Variants in CADPS observed in about 807,000 individuals in gnomAD.
CADPS encodes the protein calcium-dependent secretion activator 1.
In CADPS, 57 loss-of-function variants were observed where a neutral mutation model predicts 167.3. That is an observed-to-expected ratio of 0.34 (90% CI 0.28 to 0.42). The LOEUF (loss-of-function observed/expected upper bound fraction) is 0.42, where lower values mean the gene tolerates loss of function less well. CADPS is among the 20% of genes least tolerant of loss of function. The pLI, the probability that CADPS is intolerant of heterozygous loss-of-function variation, is 1.00. For missense variants in CADPS, 1,414 were observed against 1,738.1 expected (o/e 0.81, Z 3.32); for synonymous variants, 676 against 635.3 (o/e 1.06, Z -0.96).
intron 3 of CADPS, among the ~76,000 whole-genome samples, chr3:62,719,123 G>A (rs558039053): frequency 1.3e-5 from 2 of 152,308 alleles, no homozygotes; most frequent in East Asian, 3.9e-4. Context: ...GATCAGTAGA[G>A]ATAATGACTC....
In CADPS at chr3:62,753,376, C is replaced by G; in HGVS notation, c.888+65G>C. ...TTTTTTTAAAAAAATCAAGAAGTAT[C>G]TCATAGAAGTTGGAATGCAGCTCTG... On this transcript the variant is annotated intron_variant, in intron 3 of 29. Transcript: ENST00000383710. This position sits in a 1 kb window ranked among gnomAD's most constrained non-coding sequence, Gnocchi z 4.6. 1 of 1,175,944 alleles carries G rather than the reference C, an allele frequency of 8.5e-7. No homozygotes were observed. Among genetic ancestry groups the G allele is most frequent in the Non-Finnish European group, 1.2e-6 (1 of 820,954 alleles). 72.8% of individuals were successfully genotyped at this position (1,175,944 alleles called of 1,614,324 possible). A position where few individuals can be genotyped will look rare whatever the true frequency, so the allele number is the denominator to read the frequency against.
chr3:62,556,265 T>C (rs1334623353), intron 10 of CADPS, among the ~76,000 whole-genome samples: 2 of 152,206 alleles, frequency 1.3e-5, no homozygotes, highest in African/African-American at 4.8e-5. Flanking sequence ...TCATGCCTTA[T>C]GTGGTCAGCT....
At chr3:62,522,987 C>T (rs1330872676) in intron 13 of CADPS, among the ~76,000 whole-genome samples, 1 of 152,144 alleles carries the variant, frequency 6.6e-6, no homozygotes, top group Admixed American at 6.5e-5. Flanking sequence ...CCGGAATCCA[C>T]CTTTCAAGTT....
chr3:62,755,193 C>T (rs1318007273), intron 2 of CADPS, among the ~76,000 whole-genome samples: 2 of 152,158 alleles, frequency 1.3e-5, no homozygotes, highest in Non-Finnish European at 2.9e-5. Flanking sequence ...TTCCTTCCTT[C>T]CCTGCAGGGT....
At chr3:62,436,319 C>A in intron 28 of CADPS, among the ~76,000 whole-genome samples, 1 of 152,084 alleles carries the variant, frequency 6.6e-6, no homozygotes, top group African/African-American at 2.4e-5. Context: ...CACACAATAA[C>A]ACACACACAC....
intron 1 of CADPS, among the ~76,000 whole-genome samples, chr3:62,809,677 G>A (rs1440111626): frequency 6.6e-6 from 1 of 152,108 alleles, no homozygotes; most frequent in Non-Finnish European, 1.5e-5. Flanking sequence ...ACAGTCTTCT[G>A]TCTTATTCCA....
chr3:62,505,637 C>T (rs2066535159), intron 17 of CADPS, among the ~76,000 whole-genome samples: 1 of 152,192 alleles, frequency 6.6e-6, no homozygotes, highest in Non-Finnish European at 1.5e-5. Context: ...TGTCATGCTC[C>T]TGCTTAAAAA....
chr3:62,504,014 G>A (rs1423680612), intron 17 of CADPS, among the ~76,000 whole-genome samples: 1 of 152,084 alleles, frequency 6.6e-6, no homozygotes, highest in Non-Finnish European at 1.5e-5. Flanking sequence ...GAATTTTACT[G>A]CAGGCATGTA....
chr3:62,873,439 T>C (rs1036195948), intron 1 of CADPS, among the ~76,000 whole-genome samples: 3 of 152,178 alleles, frequency 2.0e-5, no homozygotes, highest in African/African-American at 7.2e-5. Flanking sequence ...GCTTTTTTGA[T>C]AGCTCAAGTG....
At position 62,432,925 on chromosome 3, in the gene CADPS, T is replaced by C. The variant is rs945153702; in HGVS notation, c.3777+5179A>G. Among the ~76,000 whole-genome samples the C allele has an allele frequency of 2.6e-5, 4 of 152,150 alleles. 1 individual carries two copies. Among genetic ancestry groups the C allele is most frequent in the Non-Finnish European group, 5.9e-5 (4 of 68,024 alleles). On this transcript the variant is annotated intron_variant, in intron 28 of 29. Transcript: ENST00000383710. ...TCAGTGTCTAGAATGCCATATGCCT[T>C]GAATTTCTTTAATCAGCCCCTTAGA...
chr3:62,633,663 C>T (rs771931189), intron 6 of CADPS, among the ~76,000 whole-genome samples: 12 of 152,088 alleles, frequency 7.9e-5, no homozygotes, highest in Non-Finnish European at 1.2e-4. Context: ...TTTTGTGACC[C>T]CTCTAATTAA....
At chr3:62,525,832 G>A (rs759871585) in intron 13 of CADPS, among the ~76,000 whole-genome samples, 10 of 151,948 alleles carry the variant, frequency 6.6e-5, no homozygotes, top group Non-Finnish European at 1.2e-4. Context: ...GAAATAAAAG[G>A]AACCATTATG....
chr3:62,504,556 G>T (rs2151391579), intron 17 of CADPS, among the ~76,000 whole-genome samples: 1 of 152,316 alleles, frequency 6.6e-6, no homozygotes, highest in East Asian at 1.9e-4. Flanking sequence ...ACATATTTCA[G>T]CTAAATGGGT....
intron 3 of CADPS, among the ~76,000 whole-genome samples, chr3:62,686,493 C>T (rs1408779517): frequency 1.3e-5 from 2 of 151,950 alleles, no homozygotes; most frequent in Non-Finnish European, 2.9e-5. Context: ...AAGTTTTTCT[C>T]TTTTTTGTCC....
At chr3:62,776,228 A>G (rs1373331513) in intron 1 of CADPS, among the ~76,000 whole-genome samples, 1 of 152,184 alleles carries the variant, frequency 6.6e-6, no homozygotes, top group African/African-American at 2.4e-5. Flanking sequence ...AGAATATAGC[A>G]TGAGAATATA....
chr3:62,738,300 T>A (rs1262488100), intron 3 of CADPS, among the ~76,000 whole-genome samples: 1 of 152,206 alleles, frequency 6.6e-6, no homozygotes, highest in Admixed American at 6.5e-5. Flanking sequence ...AGAGAAAATA[T>A]GTTCTTTCCT....
chr3:62,475,259 G>A (rs970558392), intron 23 of CADPS, among the ~76,000 whole-genome samples: 6 of 152,116 alleles, frequency 3.9e-5, no homozygotes, highest in African/African-American at 1.2e-4. Context: ...CATTGTAAAA[G>A]GGGCCTAGTT....
chr3:62,400,845 G>A (rs992108712), intron 29 of CADPS, among the ~76,000 whole-genome samples: 2 of 151,942 alleles, frequency 1.3e-5, no homozygotes, highest in South Asian at 2.1e-4. Context: ...TGATCCACCC[G>A]CCTTGGCCTC....
At chr3:62,515,963 C>T (rs542379011) in intron 16 of CADPS, 96 bp downstream of exon 16, 1 of 1,460,906 alleles carries the variant, frequency 6.8e-7, no homozygotes, top group Non-Finnish European at 9.4e-7. Context: ...CTCAGACGGA[C>T]CACTGTTTTC....
Sources: gnomAD v4.1 joint callset for allele counts (sites outside exome capture counted in the v4.1 genomes callset) on GRCh38, gnomAD v4.1.1 for gene constraint, Gnocchi (gnomAD v3.1) non-coding constraint, MANE v1.5 for transcripts, NCBI Gene and HGNC (gene_info 2026-07-23, HGNC 2026-07-21) for gene names.